The following PCDH10 variants were observed in gnomAD, a reference collection of about 807,000 sequenced individuals.
The protein encoded by PCDH10 is protocadherin 10, also known as protocadherin-10.
A neutral mutation model predicts 74.4 loss-of-function variants in PCDH10; 15 were observed. The ratio of observed to expected loss-of-function variants is 0.20; its 90% CI spans 0.13 to 0.31. The LOEUF is 0.31. Among genes scored for constraint, PCDH10 ranks in the 10% least tolerant of loss-of-function variants. PCDH10 has a pLI of 1.00. For synonymous variants in PCDH10, 619 were observed against 589.8 expected (o/e 1.05, Z -0.72); for missense variants, 1,260 against 1,390.2 (o/e 0.91, Z 1.49).
chr4:133,164,008 A>G (rs1193950655), intron 4 of PCDH10: 3 of 455,702 alleles, frequency 6.6e-6, no homozygotes, highest in East Asian at 1.4e-4. Context: ...CAAGTGTTAT[A>G]TGCTTAAAGG....
Position 133,152,955 on chromosome 4 carries a change from G to A in PCDH10, c.2631+184G>A, listed in dbSNP as rs964149882. ...CCTTCGTGTGTAACCTAACTTTCGC[G>A]TTGTTCCACCCTTTCACATTTATTT... is the stretch of plus-strand genomic sequence containing the variant. On this transcript the variant is annotated intron_variant, in intron 1 of 4. Coordinates refer to ENST00000264360, the MANE Select transcript of PCDH10 (RefSeq NM_032961.3). 6 of 1,451,416 alleles carry A rather than the reference G, an allele frequency of 4.1e-6. No homozygotes were observed. In the African/African-American group the frequency reaches 7.2e-5, roughly 17 times the overall value. 89.9% of individuals were successfully genotyped at this position (1,451,416 alleles called of 1,614,324 possible). A position where few individuals can be genotyped will look rare whatever the true frequency, so the allele number is the denominator to read the frequency against.
Position 133,150,926 on chromosome 4 carries a change from C to T in PCDH10, c.786C>T (p.Asn262=), listed in dbSNP as rs1726662164. 6.2e-7 allele frequency: 1 copy of T among 1,613,794 alleles called. No individual in the cohort carries two copies. Among genetic ancestry groups the T allele is most frequent in the African/African-American group, 1.3e-5 (1 of 74,944 alleles). The change falls in exon 1 of 5, where the codon AAC becomes AAT. Residue 262 remains asparagine (N), a synonymous_variant. Coordinates refer to ENST00000264360, the MANE Select transcript of PCDH10 (RefSeq NM_032961.3). ...QPVYTVSLPE[N]SPPGTLVIQL... is the part of the protein sequence containing the mutation. Reference sequence around the variant, plus strand: ...TCTACACTGTGTCCCTACCAGAGAACTCTCCCCCAGGCACTCTCGTGATCC... The same window carrying T: ...TCTACACTGTGTCCCTACCAGAGAATTCTCCCCCAGGCACTCTCGTGATCC...
chr4:133,151,733 C>T lies in PCDH10; in HGVS notation c.1593C>T (p.Phe531=). 1 of 1,613,192 alleles carries T rather than the reference C, an allele frequency of 6.2e-7. No homozygotes were observed. Among genetic ancestry groups the T allele is most frequent in the South Asian group, 1.1e-5 (1 of 91,084 alleles). Residue 531 remains phenylalanine (F), a synonymous_variant, in exon 1 of 5, where the codon TTC becomes TTT. Transcript: ENST00000264360. Reference sequence around the variant, plus strand: ...GCTACTTGTACGCCCTGCGCTCCTTCGACTATGAGCAGCTGAAGGACTTCA... The same window carrying T: ...GCTACTTGTACGCCCTGCGCTCCTTTGACTATGAGCAGCTGAAGGACTTCA... ...ENGYLYALRS[F]DYEQLKDFSF...
chr4:133,196,742 G>A (rs1727802499), downstream of PCDH10, among the ~76,000 whole-genome samples: 1 of 152,228 alleles, frequency 6.6e-6, no homozygotes, highest in Non-Finnish European at 1.5e-5. Flanking sequence ...ATGCCCAGGA[G>A]TGAACAAGGA....
intron 4 of PCDH10, 119 bp downstream of exon 4, chr4:133,163,401 A>T (rs956212615): frequency 2.3e-6 from 2 of 863,612 alleles, no homozygotes; most frequent in Non-Finnish European, 3.5e-6. Context: ...GATAAAAGTG[A>T]CTGGATGCTG....
chr4:133,153,475 A>T (rs1217606169), intron 1 of PCDH10: 1 of 153,516 alleles, frequency 6.5e-6, no homozygotes, highest in East Asian at 1.9e-4. Context: ...TCTTAAATAT[A>T]TCTTTTTAGC....
chr4:133,171,458 GA>G (rs1727201978), intron 4 of PCDH10, among the ~76,000 whole-genome samples: 1 of 151,976 alleles, frequency 6.6e-6, no homozygotes, highest in African/African-American at 2.4e-5. Flanking sequence ...AATCACCTTG[GA>G]TACAGAAATA....
In PCDH10 at chr4:133,151,620, G is replaced by T. The variant is rs776472995; in HGVS notation, c.1480G>T (p.Ala494Ser). The change falls in exon 1 of 5, where the codon GCC becomes TCC. Residue 494 changes from alanine (A) to serine (S), a missense_variant. By Grantham distance (99) the Ala-to-Ser change is moderately conservative (BLOSUM62 1). Coordinates refer to ENST00000264360, the MANE Select transcript of PCDH10 (RefSeq NM_032961.3). ...GAGCGCCACCGACCGGGATGAGGGC[G>T]CCAACGCCCAGCTTGCCTACTCTAT... ...AVSATDRDEGANAQLAYSILE... is the reference protein window; with the variant it reads ...AVSATDRDEGSNAQLAYSILE... 2 of 1,613,724 alleles carry T rather than the reference G, an allele frequency of 1.2e-6. No homozygotes were observed. The highest frequency in any genetic ancestry group is 1.7e-5 in the Admixed American group (1 of 60,032).
rs1436479477 is a variant in PCDH10 at position 133,152,369 on chromosome 4, G to A, written c.2229G>A (p.Glu743=). 12 of 1,614,108 alleles carry A rather than the reference G, an allele frequency of 7.4e-6. No individual in the cohort carries two copies. In the Admixed American group the frequency reaches 1.7e-4, roughly 22 times the overall value. Residue 743 remains glutamate (E), a synonymous_variant, in exon 1 of 5, where the codon GAG becomes GAA. Transcript: ENST00000264360. ...TGCTGGCCGTGCGTTGCCAAAAAGA[G>A]AAGAAGCTCAACATCTATACTTGTC... ...MIVLAVRCQK[E]KKLNIYTCLA...
intron 4 of PCDH10, among the ~76,000 whole-genome samples, chr4:133,171,716 C>T (rs1727206992): frequency 1.3e-5 from 2 of 152,076 alleles, no homozygotes; most frequent in African/African-American, 2.4e-5. Context: ...AGTTGCCAGA[C>T]ATTGTATACT....
At chr4:133,162,858 G>A (rs779553433) in intron 3 of PCDH10, 119 bp from the exon 4 acceptor site, 147 of 793,202 alleles carry the variant, frequency 1.9e-4, no homozygotes, top group Non-Finnish European at 2.8e-4. Context: ...GATAAGCCAG[G>A]AAAAATTTGT....
intron 3 of PCDH10, among the ~76,000 whole-genome samples, chr4:133,156,000 A>G (rs1726856822): frequency 6.6e-6 from 1 of 152,176 alleles, no homozygotes; most frequent in Admixed American, 6.5e-5. Flanking sequence ...CAACTTTTCT[A>G]ACTCCTGAAA....
chr4:133,200,968 T>G (rs1442404781), intron 2 of PCDH10, among the ~76,000 whole-genome samples: 1 of 147,408 alleles, frequency 6.8e-6, no homozygotes, highest in Non-Finnish European at 1.5e-5. Context: ...CTGTTAAATT[T>G]GGCCTAAAAA....
In PCDH10 at chr4:133,154,298, T is replaced by A. The variant is rs1310798951; in HGVS notation, c.2632-9T>A. On this transcript the variant is annotated splice_polypyrimidine_tract_variant and intron_variant, in intron 1 of 4. Transcript: ENST00000264360. Reference sequence around the variant, plus strand: ...TCAAATGCTCTTGATTTATTTATTTTTTTCCTAGACTAAACACCAGCGAGC... The same window carrying A: ...TCAAATGCTCTTGATTTATTTATTTATTTCCTAGACTAAACACCAGCGAGC... The A allele has an allele frequency of 1.9e-5, 31 of 1,600,764 alleles. No individual in the cohort carries two copies. Among genetic ancestry groups the A allele is most frequent in the Non-Finnish European group, 2.6e-5 (31 of 1,170,490 alleles).
At chr4:133,184,420 C>T (rs1727486409) in intron 4 of PCDH10, among the ~76,000 whole-genome samples, 1 of 151,622 alleles carries the variant, frequency 6.6e-6, no homozygotes, top group Admixed American at 6.6e-5. Flanking sequence ...GCCAGAAGTT[C>T]GAGACCAGCC....
At chr4:133,176,502 C>A (rs754254585) in intron 4 of PCDH10, among the ~76,000 whole-genome samples, 1 of 152,142 alleles carries the variant, frequency 6.6e-6, no homozygotes, top group African/African-American at 2.4e-5. Context: ...TGAGTATGGA[C>A]AAAATTACAA....
chr4:133,202,767 T>C (rs1280692024), intron 2 of PCDH10, among the ~76,000 whole-genome samples: 3 of 152,188 alleles, frequency 2.0e-5, no homozygotes, highest in African/African-American at 7.2e-5. Context: ...TCCTGACTAA[T>C]GGATGAAAAG....
intron 4 of PCDH10, among the ~76,000 whole-genome samples, chr4:133,169,143 G>A (rs965425219): frequency 1.3e-5 from 2 of 151,628 alleles, no homozygotes; most frequent in African/African-American, 4.8e-5. Context: ...TTCCCCATCT[G>A]CAGTACCATC....
intron 2 of PCDH10, among the ~76,000 whole-genome samples, chr4:133,206,768 G>A (rs1489015810): frequency 2.6e-5 from 4 of 151,996 alleles, no homozygotes; most frequent in Non-Finnish European, 4.4e-5. Context: ...CTCTGTAAAT[G>A]GGAGCTTGAA....
Sources: gnomAD v4.1 joint callset for allele counts (sites outside exome capture counted in the v4.1 genomes callset) on GRCh38, gnomAD v4.1.1 for gene constraint, MANE v1.5 for transcripts, NCBI Gene and HGNC (gene_info 2026-07-23, HGNC 2026-07-21) for gene names.